MARCHF8: variants seen among roughly 807,000 people sequenced by gnomAD.
MARCHF8 encodes the protein E3 ubiquitin-protein ligase MARCHF8.
Under a neutral mutation model 51.6 loss-of-function variants are expected in MARCHF8, and 40 were observed. The ratio of observed to expected loss-of-function variants is 0.77; its 90% CI spans 0.60 to 1.01. The LOEUF (loss-of-function observed/expected upper bound fraction) is 1.01. Among genes scored for constraint, MARCHF8 ranks in the 50% least tolerant of loss-of-function variants. MARCHF8 has a pLI of 0.00. For synonymous variants in MARCHF8, 263 were observed against 280.3 expected (o/e 0.94, Z 0.62); for missense variants, 685 against 708.6 (o/e 0.97, Z 0.38).
At chr10:45,500,398 T>C (rs911244721) in intron 2 of MARCHF8, among the ~76,000 whole-genome samples, 2 of 152,150 alleles carry the variant, frequency 1.3e-5, no homozygotes, top group African/African-American at 4.8e-5. Flanking sequence ...TTTTACTCCT[T>C]TCCAATTTTG....
At chr10:45,556,126 G>A (rs1372933223) in intron 1 of MARCHF8, among the ~76,000 whole-genome samples, 13 of 152,164 alleles carry the variant, frequency 8.5e-5, no homozygotes, top group Admixed American at 8.5e-4. Flanking sequence ...AAGTGCACAA[G>A]ATAAACGGCA....
At chr10:45,482,146 T>A (rs1305386371) in intron 3 of MARCHF8, among the ~76,000 whole-genome samples, 7 of 151,940 alleles carry the variant, frequency 4.6e-5, no homozygotes, top group Non-Finnish European at 1.0e-4. Context: ...TACAAAACAC[T>A]GATAAAAGAA....
chr10:45,525,743 G>T (rs896730342), intron 2 of MARCHF8, among the ~76,000 whole-genome samples: 6 of 152,326 alleles, frequency 3.9e-5, no homozygotes, highest in African/African-American at 1.4e-4. Flanking sequence ...CTGGTACATT[G>T]TATCTGTGGA....
Position 45,494,420 on chromosome 10 carries a change from A to G in MARCHF8, c.103-5003T>C, listed in dbSNP as rs189047115. 3.3e-3 allele frequency among the ~76,000 whole-genome samples: 510 copies of G among 152,274 alleles called. 2 individuals carry two copies. The highest frequency in any genetic ancestry group is 5.2e-3 in the Admixed American group (79 of 15,306). Reference sequence around the variant, plus strand: ...CATGTGGGGTTTTCCTGAAACTCTGACCAGGACTGGTCCTTAAAAAAAAAG... The same window carrying G: ...CATGTGGGGTTTTCCTGAAACTCTGGCCAGGACTGGTCCTTAAAAAAAAAG... On this transcript the variant is annotated intron_variant, in intron 2 of 7. Coordinates refer to ENST00000453424, the MANE Select transcript of MARCHF8 (RefSeq NM_001282866.2).
At chr10:45,554,040 T>C (rs547164371) in intron 1 of MARCHF8, among the ~76,000 whole-genome samples, 1 of 152,252 alleles carries the variant, frequency 6.6e-6, no homozygotes, top group Admixed American at 6.5e-5. Flanking sequence ...GAAATGACCC[T>C]AAATATTTGT....
At chr10:45,522,529 G>A (rs1367823908) in intron 2 of MARCHF8, among the ~76,000 whole-genome samples, 6 of 152,208 alleles carry the variant, frequency 3.9e-5, no homozygotes, top group African/African-American at 1.4e-4. Flanking sequence ...CAATTTGGGT[G>A]TATGACTGCT....
rs2044343132 is a variant in MARCHF8, at chr10:45,564,464, GAACA to G, written c.-79+29767_-79+29770del. The stretch of plus-strand genomic sequence containing the variant: ...ACAGAAAAAAAGACTGGAGAAAAAT[GAACA>G]AACTCTCACAAACTTCTGAGATAAT... On this transcript the variant is annotated intron_variant, in intron 1 of 6. Transcript: ENST00000319836. 2.6e-5 allele frequency among the ~76,000 whole-genome samples: 4 copies of G among 152,084 alleles called. No individual in the cohort carries two copies. In the South Asian group the frequency reaches 8.3e-4, roughly 32 times the overall value.
At chr10:45,546,558 G>A (rs2044125501) in intron 1 of MARCHF8, among the ~76,000 whole-genome samples, 1 of 152,036 alleles carries the variant, frequency 6.6e-6, no homozygotes, top group South Asian at 2.1e-4. Context: ...AAGGCGAGTG[G>A]ATCACTTAAG....
intron 1 of MARCHF8, among the ~76,000 whole-genome samples, chr10:45,555,969 G>A (rs763308332): frequency 6.6e-6 from 1 of 151,900 alleles, no homozygotes; most frequent in Non-Finnish European, 1.5e-5. Flanking sequence ...GTATTCCAGC[G>A]AATAAATGAA....
At chr10:45,571,157 A>G (rs1188957055) in intron 1 of MARCHF8, among the ~76,000 whole-genome samples, 1 of 152,234 alleles carries the variant, frequency 6.6e-6, no homozygotes, top group Non-Finnish European at 1.5e-5. Context: ...AAAAAAGAAC[A>G]AAGTTGAAGG....
At chr10:45,555,844 G>A (rs1337885652) in intron 1 of MARCHF8, among the ~76,000 whole-genome samples, 1 of 151,994 alleles carries the variant, frequency 6.6e-6, no homozygotes, top group East Asian at 1.9e-4. Context: ...AAATGCTAGG[G>A]ACCCTCCAAG....
intron 2 of MARCHF8, among the ~76,000 whole-genome samples, chr10:45,513,602 C>T (rs1048486285): frequency 1.3e-5 from 2 of 152,026 alleles, no homozygotes. Flanking sequence ...TTCCTTAATA[C>T]TCTGGCTCTT....
At chr10:45,521,214 A>C (rs1029588055) in intron 2 of MARCHF8, among the ~76,000 whole-genome samples, 2 of 152,200 alleles carry the variant, frequency 1.3e-5, no homozygotes, top group Non-Finnish European at 2.9e-5. Flanking sequence ...AATGTGCCCA[A>C]ATACCTTCAT....
At chr10:45,481,662 T>G (rs1022665875) in intron 3 of MARCHF8, among the ~76,000 whole-genome samples, 5 of 152,214 alleles carry the variant, frequency 3.3e-5, no homozygotes, top group African/African-American at 1.2e-4. Context: ...TCTGCCATCA[T>G]TGTGAGGCCT....
At chr10:45,575,852 CTCCTGGCTCA>C (rs1396909973) in intron 1 of MARCHF8, among the ~76,000 whole-genome samples, 5 of 152,174 alleles carry the variant, frequency 3.3e-5, no homozygotes, top group Admixed American at 1.3e-4. Context: ...GAAATTCCTT[CTCCTGGCTCA>C]TCCTGGCTCG....
chr10:45,546,264 G>C (rs1171406433), intron 1 of MARCHF8, among the ~76,000 whole-genome samples: 1 of 151,920 alleles, frequency 6.6e-6, no homozygotes, highest in Non-Finnish European at 1.5e-5. Context: ...TGGTTCAAGC[G>C]ATTGCGCTGC....
chr10:45,583,825 TA>T (rs2044581435), intron 1 of MARCHF8, among the ~76,000 whole-genome samples: 1 of 151,590 alleles, frequency 6.6e-6, no homozygotes, highest in Admixed American at 6.6e-5. Flanking sequence ...TCAGATTGGA[TA>T]AAAGCAGTAA....
intron 3 of MARCHF8, among the ~76,000 whole-genome samples, chr10:45,477,378 C>A (rs1365250966): frequency 6.6e-6 from 1 of 152,102 alleles, no homozygotes; most frequent in African/African-American, 2.4e-5. Context: ...TATTTGCCAT[C>A]ATGAAAACAT....
chr10:45,512,409 C>A (rs2043538037), intron 2 of MARCHF8, among the ~76,000 whole-genome samples: 2 of 150,346 alleles, frequency 1.3e-5, no homozygotes, highest in Admixed American at 1.3e-4. Context: ...GGGGTCAGCC[C>A]CCCGCCCGGC....
Sources: gnomAD v4.1 joint callset for allele counts (sites outside exome capture counted in the v4.1 genomes callset) on GRCh38, gnomAD v4.1.1 for gene constraint, MANE v1.5 for transcripts, NCBI Gene and HGNC (gene_info 2026-07-23, HGNC 2026-07-21) for gene names.